TRIM71: variants seen among roughly 807,000 people sequenced by gnomAD.
TRIM71 encodes the protein tripartite motif containing 71.
A neutral mutation model predicts 61.2 loss-of-function variants in TRIM71; 9 were observed. That is an observed-to-expected ratio of 0.15 (90% CI 0.09 to 0.26). TRIM71 has a LOEUF of 0.26. TRIM71 is among the 10% of genes least tolerant of loss of function. The probability of loss-of-function intolerance (pLI) is 1.00; values close to 1 mark genes in which losing one functional copy is unlikely to be tolerated. For missense variants in TRIM71, 998 were observed against 1,238.7 expected (o/e 0.81, Z 2.92); for synonymous variants, 645 against 553.2 (o/e 1.17, Z -2.33).
chr3:32,818,868 C>A lies in TRIM71; in HGVS notation c.788C>A (p.Pro263Gln), dbSNP rs1696095717. 2 of 1,612,482 alleles carry A rather than the reference C, an allele frequency of 1.2e-6. No homozygotes were observed. Among genetic ancestry groups the A allele is most frequent in the Non-Finnish European group, 1.7e-6 (2 of 1,179,792 alleles). ...QLGLGPPFPG[P>Q]PFSILSVFPE... The stretch of plus-strand genomic sequence containing the variant: ...GGGCTCGGGCCGCCCTTTCCCGGCC[C>A]GCCCTTCTCCATCCTCTCAGTGTTT... Residue 263 changes from proline to glutamine, a missense_variant, in exon 1 of 4, where the codon CCG becomes CAG. Physicochemically the swap from Pro to Gln is moderately conservative, Grantham distance 76. This residue lies in a region of TRIM71 where 527 missense variants were observed against 427.8 expected (regional missense o/e 1.23). Coordinates refer to ENST00000383763, the MANE Select transcript of TRIM71 (RefSeq NM_001039111.3).
chr3:32,828,625 T>A (rs1446762544), intron 1 of TRIM71, among the ~76,000 whole-genome samples: 1 of 149,108 alleles, frequency 6.7e-6, no homozygotes, highest in East Asian at 2.0e-4. Context: ...CTCCCACCTC[T>A]GCCTTCTGAG....
Position 32,892,085 on chromosome 3 carries a change from T to A in TRIM71, c.*274T>A. On this transcript the variant is annotated 3_prime_UTR_variant, in exon 4 of 4. Coordinates refer to ENST00000383763, the MANE Select transcript of TRIM71 (RefSeq NM_001039111.3). Reference sequence around the variant, plus strand: ...TATCTACCTCATAAATCTTTACATTTCCTTCTGCAACAGGCCCTCTTCCCC... The same window carrying A: ...TATCTACCTCATAAATCTTTACATTACCTTCTGCAACAGGCCCTCTTCCCC... 1 of 370,674 alleles carries A rather than the reference T, an allele frequency of 2.7e-6. No individual in the cohort carries two copies. The highest frequency in any genetic ancestry group is 3.1e-5 in the South Asian group (1 of 32,162). The allele number at this position is 370,674 out of a possible 1,614,324, so 23.0% of individuals were successfully genotyped here.
chr3:32,829,626 T>TTGTGTGTGTGTGTGTGTGTG lies in TRIM71; in HGVS notation c.852+10700_852+10719dup, dbSNP rs10524029. Among the ~76,000 whole-genome samples, 189 of 148,782 alleles carry TTGTGTGTGTGTGTGTGTGTG rather than the reference T, an allele frequency of 1.3e-3. No homozygotes were observed. The East Asian group carries it at 0.022, about 17-fold the overall frequency. On this transcript the variant is annotated intron_variant, in intron 1 of 3. Transcript: ENST00000383763. ...TTTAGTAAGCATTAATGTCATGGTATTGTGTGTGTGTGTGTGTGTGTGTGT... is the reference window on the plus strand; with the variant it reads ...TTTAGTAAGCATTAATGTCATGGTATTGTGTGTGTGTGTGTGTGTGTGTGTGTGTGTGTGTGTGTGTGTGT...
chr3:32,891,532 C>T lies in TRIM71; in HGVS notation c.2328C>T (p.Pro776=), dbSNP rs1030858278. ...ACCACCGGCTCCTGGTTATTCACCC[C>T]GACTGCCAGTCGGCACGCTTTCTGG... ...FNNHRLLVIH[P]DCQSARFLGS... The change falls in exon 4 of 4, where the codon CCC becomes CCT. Residue 776 remains proline (P), a synonymous_variant. Transcript: ENST00000383763. The surrounding 1 kb of genome is among the most constrained non-coding windows in gnomAD (Gnocchi z 8.2). 5.6e-6 allele frequency: 9 copies of T among 1,613,224 alleles called. No individual in the cohort carries two copies. Among genetic ancestry groups the T allele is most frequent in the East Asian group, 2.2e-5 (1 of 44,896 alleles).
chr3:32,854,169 T>C (rs1017127298), intron 1 of TRIM71, among the ~76,000 whole-genome samples: 7 of 152,222 alleles, frequency 4.6e-5, no homozygotes, highest in Non-Finnish European at 1.5e-5. Context: ...TTTAAATTTT[T>C]TTGTAGAGAC....
At chr3:32,889,368 C>CTT (rs1400064067) in intron 3 of TRIM71, among the ~76,000 whole-genome samples, 3 of 152,134 alleles carry the variant, frequency 2.0e-5, no homozygotes, top group Non-Finnish European at 2.9e-5. Context: ...GACTCAGCCT[C>CTT]CTAGGCTCAA....
intron 2 of TRIM71, among the ~76,000 whole-genome samples, chr3:32,881,057 T>G (rs1696902591): frequency 1.3e-5 from 2 of 152,132 alleles, no homozygotes; most frequent in Admixed American, 1.3e-4. Flanking sequence ...CTCACTCTGT[T>G]GCCCAGGCTG....
At chr3:32,843,235 CT>C (rs1696432069) in intron 1 of TRIM71, among the ~76,000 whole-genome samples, 1 of 152,182 alleles carries the variant, frequency 6.6e-6, no homozygotes, top group Non-Finnish European at 1.5e-5. Flanking sequence ...CCCCCAAGAT[CT>C]GGCCTGCATG....
chr3:32,887,144 C>T (rs1279494516), intron 3 of TRIM71, among the ~76,000 whole-genome samples: 3 of 152,176 alleles, frequency 2.0e-5, no homozygotes, highest in Non-Finnish European at 4.4e-5. Context: ...GTAGTGAACT[C>T]TGCCACAAAC....
At chr3:32,886,738 C>T (rs1696965568) in intron 3 of TRIM71, among the ~76,000 whole-genome samples, 1 of 152,150 alleles carries the variant, frequency 6.6e-6, no homozygotes, top group African/African-American at 2.4e-5. Flanking sequence ...TAAGGGTATC[C>T]TTGTGGAGTG....
intron 1 of TRIM71, among the ~76,000 whole-genome samples, chr3:32,830,446 A>G (rs1352891870): frequency 6.6e-6 from 1 of 152,180 alleles, no homozygotes; most frequent in East Asian, 1.9e-4. Context: ...TAATCTCTTG[A>G]AATGATAACT....
intron 1 of TRIM71, among the ~76,000 whole-genome samples, chr3:32,822,827 C>T (rs577815538): frequency 1.3e-5 from 2 of 152,026 alleles, no homozygotes; most frequent in African/African-American, 2.4e-5. Context: ...TCTTTAGAGG[C>T]GATCAGATGT....
chr3:32,868,447 A>G (rs1696762122), intron 1 of TRIM71, among the ~76,000 whole-genome samples: 1 of 152,242 alleles, frequency 6.6e-6, no homozygotes, highest in African/African-American at 2.4e-5. Context: ...TTCAAAAATC[A>G]GGAAACAGTT....
At chr3:32,828,831 C>T (rs751878145) in intron 1 of TRIM71, among the ~76,000 whole-genome samples, 1 of 151,830 alleles carries the variant, frequency 6.6e-6, no homozygotes, top group Non-Finnish European at 1.5e-5. Context: ...TGTTTGAAAA[C>T]CACTAATTTT....
At chr3:32,852,685 G>C (rs1006064487) in intron 1 of TRIM71, among the ~76,000 whole-genome samples, 2 of 151,764 alleles carry the variant, frequency 1.3e-5, no homozygotes, top group Non-Finnish European at 2.9e-5. Context: ...TGGCACACAG[G>C]TAGAATTGCC....
chr3:32,873,176 C>G (rs1263839803), intron 1 of TRIM71, among the ~76,000 whole-genome samples: 2 of 149,722 alleles, frequency 1.3e-5, no homozygotes, highest in African/African-American at 4.9e-5. Context: ...AGGTTCAACT[C>G]CTTGGAATAA....
Position 32,851,666 on chromosome 3 carries a change from A to G in TRIM71, c.853-22152A>G, listed in dbSNP as rs535398605. ...GCTAATTGTTGTATTTTTAGTAGAGATGGGGCTTCACCATGTTGGCCAGGC... is the reference window on the plus strand; with the variant it reads ...GCTAATTGTTGTATTTTTAGTAGAGGTGGGGCTTCACCATGTTGGCCAGGC... On this transcript the variant is annotated intron_variant, in intron 1 of 3. Transcript: ENST00000383763. Among the ~76,000 whole-genome samples, 5 of 152,066 alleles carry G rather than the reference A, an allele frequency of 3.3e-5. 1 individual carries two copies. In the South Asian group the frequency reaches 1.0e-3, roughly 32 times the overall value.
At position 32,857,871 on chromosome 3, in the gene TRIM71, T is replaced by C. The variant is rs58753633; in HGVS notation, c.853-15947T>C. Among the ~76,000 whole-genome samples the C allele has an allele frequency of 5.3e-3, 804 of 152,200 alleles. 5 individuals carry two copies. Among genetic ancestry groups the C allele is most frequent in the African/African-American group, 0.019 (773 of 41,532 alleles). ...CTGTGATCTCAGCTACTCTGGAGGC[T>C]GAGGCATGAGAATCGCTTGAACCCA... On this transcript the variant is annotated intron_variant, in intron 1 of 3. Coordinates refer to ENST00000383763, the MANE Select transcript of TRIM71 (RefSeq NM_001039111.3).
intron 1 of TRIM71, among the ~76,000 whole-genome samples, chr3:32,855,422 C>T (rs548208701): frequency 1.3e-5 from 2 of 152,132 alleles, no homozygotes; most frequent in East Asian, 1.9e-4. Context: ...TCCAGGATGG[C>T]CCAGCCAAAC....
Sources: gnomAD v4.1 joint callset for allele counts (sites outside exome capture counted in the v4.1 genomes callset) on GRCh38, gnomAD v4.1.1 for gene constraint, gnomAD v4.1.1 regional missense constraint, Gnocchi (gnomAD v3.1) non-coding constraint, MANE v1.5 for transcripts, NCBI Gene and HGNC (gene_info 2026-07-23, HGNC 2026-07-21) for gene names.